The following USP13 variants were observed in gnomAD, a reference collection of about 807,000 sequenced individuals.
USP13 encodes ubiquitin specific peptidase 13, also known as ubiquitin carboxyl-terminal hydrolase 13.
A neutral mutation model predicts 107.8 loss-of-function variants in USP13; 68 were observed. The ratio of observed to expected loss-of-function variants is 0.63; its 90% confidence interval spans 0.52 to 0.77. The LOEUF (loss-of-function observed/expected upper bound fraction) is 0.77. Ranked by LOEUF, USP13 falls within the 30% of genes least tolerant of loss-of-function variation. The pLI is 0.00. For synonymous variants in USP13, 377 were observed against 389.5 expected, an observed-to-expected ratio of 0.97 and a Z score of 0.38; for missense variants, 945 against 1,093.3, an observed-to-expected ratio of 0.86 and a Z score of 1.91.
chr3:179,698,109 G>T (rs1712385255), intron 3 of USP13, among the ~76,000 whole-genome samples: 1 of 152,150 alleles, frequency 6.6e-6, no homozygotes, highest in South Asian at 2.1e-4. Context: ...CAGTACAGGG[G>T]CTAGGAACAT....
intron 6 of USP13, among the ~76,000 whole-genome samples, chr3:179,719,617 T>C (rs1713235208): frequency 6.6e-6 from 1 of 152,218 alleles, no homozygotes; most frequent in Admixed American, 6.5e-5. Flanking sequence ...ACTGTGGTTT[T>C]AGTTAGAAAA....
rs531248006 is a variant in USP13, at chr3:179,708,950, C to T, written c.798C>T (p.Asp266=). 30 of 1,613,954 alleles carry T rather than the reference C, an allele frequency of 1.9e-5. No individual in the cohort carries two copies. The highest frequency in any genetic ancestry group is 1.2e-4 in the South Asian group (11 of 91,038). The change falls in exon 6 of 21, where the codon GAC becomes GAT. Residue 266 remains aspartate (D), a synonymous_variant. Transcript: ENST00000263966. ...LAVKLGTITP[D]GADVYSFQEE... is the part of the protein sequence containing the mutation. ...TGAAACTGGGAACCATCACTCCTGA[C>T]GGGGCAGGTGAGTGCGCCTTTACCG...
chr3:179,699,754 T>C (rs990575008), intron 3 of USP13, among the ~76,000 whole-genome samples: 3 of 97,168 alleles, frequency 3.1e-5, no homozygotes, highest in African/African-American at 1.3e-4. Flanking sequence ...TTATTTTATT[T>C]ATTTATTTAT....
At chr3:179,694,056 G>A (rs1203785720) in intron 3 of USP13, among the ~76,000 whole-genome samples, 2 of 150,946 alleles carry the variant, frequency 1.3e-5, no homozygotes, top group Non-Finnish European at 1.5e-5. Context: ...CTGCAGACTC[G>A]GCCTCCTGTA....
intron 13 of USP13, among the ~76,000 whole-genome samples, chr3:179,749,804 G>A (rs182369222): frequency 8.0e-4 from 121 of 152,140 alleles, no homozygotes; most frequent in Non-Finnish European, 1.4e-3. Context: ...CTAACACTCC[G>A]CCTAGATACT....
At chr3:179,725,932 T>G (rs1560063701) in intron 8 of USP13, among the ~76,000 whole-genome samples, 2 of 152,198 alleles carry the variant, frequency 1.3e-5, no homozygotes, top group Non-Finnish European at 2.9e-5. Flanking sequence ...CCTCCATGAT[T>G]CAGTTACCTC....
intron 19 of USP13, among the ~76,000 whole-genome samples, chr3:179,780,086 G>A (rs1475421279): frequency 6.6e-6 from 1 of 152,188 alleles, no homozygotes; most frequent in African/African-American, 2.4e-5. Flanking sequence ...CTTCCTCAAC[G>A]TGATAAAATG....
In USP13 at chr3:179,731,421, A is replaced by G. The variant is rs1030559878; in HGVS notation, c.1254+712A>G. On this transcript the variant is annotated intron_variant, in intron 10 of 20. Transcript: ENST00000263966. ...TCCATATCAAACAAACAAACAAACAAAAAACAACACATAGATTCCTTAGTC... is the reference window on the plus strand; with the variant it reads ...TCCATATCAAACAAACAAACAAACAGAAAACAACACATAGATTCCTTAGTC... 3.9e-5 allele frequency among the ~76,000 whole-genome samples: 6 copies of G among 152,112 alleles called. No individual in the cohort carries two copies. The South Asian group carries it at 1.0e-3, about 26-fold the overall frequency.
intron 6 of USP13, among the ~76,000 whole-genome samples, chr3:179,714,862 T>C (rs1056579528): frequency 3.8e-5 from 4 of 104,616 alleles, no homozygotes; most frequent in African/African-American, 1.4e-4. Flanking sequence ...CTCTTTCTTT[T>C]CCTTTTTCTT....
chr3:179,719,305 A>G (rs950118400), intron 6 of USP13, among the ~76,000 whole-genome samples: 4 of 152,050 alleles, frequency 2.6e-5, no homozygotes, highest in Admixed American at 6.6e-5. Flanking sequence ...TGTGTGTACT[A>G]TGAGGTGGGC....
Position 179,653,693 on chromosome 3 carries a change from GT to G in USP13, c.168+302del, listed in dbSNP as rs1433607307. 5.6e-6 allele frequency: 2 copies of G among 360,084 alleles called. No homozygotes were observed. The highest frequency in any genetic ancestry group is 8.8e-5 in the Admixed American group (2 of 22,714). The allele number at this position is 360,084 out of a possible 1,614,324, so 22.3% of individuals were successfully genotyped here. Reference sequence around the variant, plus strand: ...GATAGATGAAATACAAGAGTTCCCTGTTCCGAACTGCACGTTGCAGATCGTT... The same window carrying G: ...GATAGATGAAATACAAGAGTTCCCTGTCCGAACTGCACGTTGCAGATCGTT... On this transcript the variant is annotated intron_variant, in intron 1 of 20. Coordinates refer to ENST00000263966, the MANE Select transcript of USP13 (RefSeq NM_003940.3). This position sits in a 1 kb window ranked among gnomAD's most constrained non-coding sequence, Gnocchi z 4.0.
intron 3 of USP13, among the ~76,000 whole-genome samples, chr3:179,698,405 G>A (rs905538713): frequency 1.3e-5 from 2 of 152,054 alleles, no homozygotes; most frequent in Non-Finnish European, 2.9e-5. Context: ...TAACAGTCTT[G>A]TGGGGTAGAT....
At chr3:179,666,647 G>A (rs982742825) in intron 1 of USP13, among the ~76,000 whole-genome samples, 5 of 152,292 alleles carry the variant, frequency 3.3e-5, no homozygotes, top group African/African-American at 7.2e-5. Context: ...CTCCTGCCCC[G>A]CAGGAAAGCT....
chr3:179,746,284 C>T (rs960591255), intron 13 of USP13, among the ~76,000 whole-genome samples: 3 of 149,286 alleles, frequency 2.0e-5, no homozygotes, highest in Non-Finnish European at 4.4e-5. Context: ...GAGGGAGTCT[C>T]GCTCTGTCAC....
intron 1 of USP13, among the ~76,000 whole-genome samples, chr3:179,661,460 G>A (rs1163825765): frequency 7.1e-6 from 1 of 139,984 alleles, no homozygotes; most frequent in Non-Finnish European, 1.5e-5. Context: ...TCATAGATAG[G>A]ATTTTTTTTT....
chr3:179,683,554 A>G (rs180773439), intron 2 of USP13, among the ~76,000 whole-genome samples: 43 of 152,330 alleles, frequency 2.8e-4, no homozygotes, highest in African/African-American at 7.9e-4. Context: ...GGTAGCAGGC[A>G]AAGAGAGAGC....
chr3:179,776,463 G>A (rs1715542902), intron 19 of USP13, among the ~76,000 whole-genome samples: 1 of 152,166 alleles, frequency 6.6e-6, no homozygotes, highest in African/African-American at 2.4e-5. Context: ...TACAATTGCT[G>A]TTAGGTTGGG....
intron 6 of USP13, among the ~76,000 whole-genome samples, chr3:179,714,870 CTT>C (rs34976120): frequency 4.4e-5 from 6 of 137,456 alleles, no homozygotes; most frequent in Admixed American, 7.5e-5. Flanking sequence ...TTTCCTTTTT[CTT>C]TTTTTTTTTT....
At chr3:179,737,098 A>T (rs901306825) in intron 10 of USP13, among the ~76,000 whole-genome samples, 9 of 152,074 alleles carry the variant, frequency 5.9e-5, no homozygotes, top group Admixed American at 3.3e-4. Flanking sequence ...AGGCTTGAAG[A>T]AGGGTTATGC....
Sources: allele counts gnomAD v4.1 joint callset (sites outside exome capture counted in the v4.1 genomes callset), GRCh38; gene constraint gnomAD v4.1.1; non-coding constraint Gnocchi (gnomAD v3.1); transcripts MANE v1.5; gene names NCBI Gene and HGNC (gene_info 2026-07-23, HGNC 2026-07-21).